YIPF6: variants seen among roughly 807,000 people sequenced by gnomAD.
YIPF6 encodes Yip1 domain family member 6.
In YIPF6, 3 loss-of-function variants were observed where a neutral mutation model predicts 16.8. That is an observed-to-expected ratio of 0.18 (90% CI 0.08 to 0.46). The LOEUF is 0.46. YIPF6 is among the 20% of genes least tolerant of loss of function. The pLI, the probability that YIPF6 is intolerant of heterozygous loss-of-function variation, is 0.98. For missense variants in YIPF6, 145 were observed against 184.9 expected, an observed-to-expected ratio of 0.78 and a Z score of 1.25; for synonymous variants, 67 against 61.9, an observed-to-expected ratio of 1.08 and a Z score of -0.38.
Position 68,522,772 on chromosome X carries a change from G to A in YIPF6, c.447G>A (p.Gln149=), listed in dbSNP as rs1185948161. 1.3e-5 allele frequency: 15 copies of A among 1,187,515 alleles called. No individual in the cohort carries two copies. Among genetic ancestry groups the A allele is most frequent in the Non-Finnish European group, 1.7e-5 (15 of 888,522 alleles). The part of the protein sequence containing the change: ...KLLGGNISFF[Q]SLCVLGYCIL... ...TTTTGTTTTTAAGATCTTTTTTTCA[G>A]AGCCTCTGTGTGCTGGGTTACTGTA... is the stretch of plus-strand genomic sequence containing the variant. Residue 149 remains glutamine, a synonymous_variant, in exon 6 of 7, where the codon CAG becomes CAA. Transcript: ENST00000462683.
chrX:68,531,136 G>GT lies in YIPF6; in HGVS notation c.593-739dup, dbSNP rs765581017. On this transcript the variant is annotated intron_variant, in intron 6 of 6. Coordinates refer to ENST00000462683, the MANE Select transcript of YIPF6 (RefSeq NM_173834.4). ...TTTTTGTTTGTTTGTTTGTTTGTTT[G>GT]TTTTTTGAGACTGGGTCTTTCTCTG... Among the ~76,000 whole-genome samples, 529 of 105,876 alleles carry GT rather than the reference G, an allele frequency of 5.0e-3. 2 individuals are homozygous for GT. Among genetic ancestry groups the GT allele is most frequent in the Non-Finnish European group, 7.4e-3 (386 of 52,219 alleles). 91.9% of individuals were successfully genotyped at this position (105,876 alleles called of 115,157 possible).
In YIPF6 at chrX:68,534,197, C is replaced by T. The variant is rs777660161; in HGVS notation, c.*2198C>T. On this transcript the variant is annotated 3_prime_UTR_variant, in exon 7 of 7. Coordinates refer to ENST00000462683, the MANE Select transcript of YIPF6 (RefSeq NM_173834.4). ...ATTTACCCCAAGATAACTTTGCCTA[C>T]GAAATATTTCGCTTTTATTATTTTC... The T allele has an allele frequency of 1.1e-4, 12 of 111,739 alleles. No homozygotes were observed. The highest frequency in any genetic ancestry group is 1.9e-4 in the Non-Finnish European group (10 of 53,142). The allele number at this position is 111,739 out of a possible 1,213,427, so 9.2% of individuals were successfully genotyped here.
At chrX:68,530,038 T>C (rs1055339821) in intron 6 of YIPF6, among the ~76,000 whole-genome samples, 9 of 111,930 alleles carry the variant, frequency 8.0e-5, no homozygotes, top group Non-Finnish European at 1.9e-5. Context: ...CAGGCAGGAA[T>C]GTTTAAGTTG....
chrX:68,531,834 T>C, intron 6 of YIPF6, 47 bp from the exon 7 acceptor site: 1 of 873,141 alleles, frequency 1.1e-6, no homozygotes, highest in Non-Finnish European at 1.6e-6. Context: ...GTTGTGACAA[T>C]ATTACTGTAT....
chrX:68,499,163 G>A (rs749957728), intron 1 of YIPF6, 40 bp downstream of exon 1: 8 of 1,157,065 alleles, frequency 6.9e-6, no homozygotes, highest in Non-Finnish European at 9.2e-6. Flanking sequence ...CGAGGGTGAG[G>A]CAGAGTGCCC....
At chrX:68,521,339 T>G (rs201900614) in intron 4 of YIPF6, 33 bp from the exon 5 acceptor site, 1 of 1,198,197 alleles carries the variant, frequency 8.3e-7, no homozygotes, top group Non-Finnish European at 1.1e-6. Context: ...AAGTAAAAGA[T>G]TAAGCAATTC....
In YIPF6 at chrX:68,521,491, G is replaced by A; in HGVS notation, c.428G>A (p.Gly143Glu). 8.3e-7 allele frequency: 1 copy of A among 1,205,842 alleles called. No individual in the cohort carries two copies. Among genetic ancestry groups the A allele is most frequent in the Non-Finnish European group, 1.1e-6 (1 of 893,170 alleles). The change falls in exon 5 of 7, where the codon GGG becomes GAG. Residue 143 changes from glycine (G) to glutamate (E), a missense_variant. By Grantham distance (98) the Gly-to-Glu change is moderately conservative. Transcript: ENST00000462683. ...ACCCTCAACTCAAAACTTCTTGGAG[G>A]GAACATGTGAGTATTATTAAAATGC... ...TITLNSKLLG[G>E]NISFFQSLCV...
chrX:68,506,817 C>G (rs961983811), intron 1 of YIPF6, among the ~76,000 whole-genome samples: 3 of 111,334 alleles, frequency 2.7e-5, no homozygotes, highest in African/African-American at 9.8e-5. Flanking sequence ...CAGTCGTGAT[C>G]ATAGCACCCG....
Position 68,516,821 on chromosome X carries a change from G to T in YIPF6, c.266-1949G>T, listed in dbSNP as rs751039469. The stretch of plus-strand genomic sequence containing the variant: ...AATCACTCAGCAGCTTTTTTTGTTT[G>T]TTTTTTTGAGACAGAGTCTTGCTCT... On this transcript the variant is annotated intron_variant, in intron 3 of 6. Transcript: ENST00000462683. Among the ~76,000 whole-genome samples, 251 of 110,529 alleles carry T rather than the reference G, an allele frequency of 2.3e-3. 2 individuals carry two copies. Among genetic ancestry groups the T allele is most frequent in the Non-Finnish European group, 4.1e-3 (216 of 52,775 alleles).
rs771081316 is a variant in YIPF6 at position 68,537,146 on chromosome X, C to G, written c.*5147C>G. The G allele has an allele frequency of 2.7e-5, 3 of 112,213 alleles. No homozygotes were observed. Among genetic ancestry groups the G allele is most frequent in the African/African-American group, 9.7e-5 (3 of 30,955 alleles). The allele number at this position is 112,213 out of a possible 1,213,427, so 9.2% of individuals were successfully genotyped here. Reference sequence around the variant, plus strand: ...GTTCTTTCAGAGCCTTTGTACTTTGCCATCACTGCTAGTAATTTCTTGGTC... The same window carrying G: ...GTTCTTTCAGAGCCTTTGTACTTTGGCATCACTGCTAGTAATTTCTTGGTC... On this transcript the variant is annotated 3_prime_UTR_variant, in exon 7 of 7. Coordinates refer to ENST00000462683, the MANE Select transcript of YIPF6 (RefSeq NM_173834.4).
At chrX:68,507,605 A>G (rs962151357) in intron 1 of YIPF6, among the ~76,000 whole-genome samples, 1 of 99,185 alleles carries the variant, frequency 1.0e-5, no homozygotes, top group African/African-American at 3.6e-5. Context: ...GTCTATTATA[A>G]TTTTTTTTTT....
At chrX:68,528,793 A>G (rs1764675364) in intron 6 of YIPF6, among the ~76,000 whole-genome samples, 1 of 111,733 alleles carries the variant, frequency 8.9e-6, no homozygotes, top group African/African-American at 3.2e-5. Flanking sequence ...TTTCTTTAAG[A>G]ATGTTGAATA....
intron 1 of YIPF6, among the ~76,000 whole-genome samples, chrX:68,502,734 A>G (rs2079045179): frequency 9.0e-6 from 1 of 111,225 alleles, no homozygotes; most frequent in South Asian, 3.8e-4. Context: ...TTTAGGAGTC[A>G]TCTGCACAGG....
intron 1 of YIPF6, among the ~76,000 whole-genome samples, chrX:68,506,322 A>G (rs1264593858): frequency 9.0e-6 from 1 of 111,100 alleles, no homozygotes; most frequent in African/African-American, 3.3e-5. Context: ...TCTTTCTTCT[A>G]CAGCCCTACC....
chrX:68,533,615 G>A lies in YIPF6; in HGVS notation c.*1616G>A, dbSNP rs1236363942. ...GGGTTCTTGGAATGATAATAACAAA[G>A]CATTACAAAGTGGGTCCCCTTGGTT... On this transcript the variant is annotated 3_prime_UTR_variant, in exon 7 of 7. Coordinates refer to ENST00000462683, the MANE Select transcript of YIPF6 (RefSeq NM_173834.4). 2.7e-5 allele frequency: 3 copies of A among 111,842 alleles called. No individual in the cohort carries two copies. Among genetic ancestry groups the A allele is most frequent in the Non-Finnish European group, 5.6e-5 (3 of 53,186 alleles). The allele number at this position is 111,842 out of a possible 1,213,427, so 9.2% of individuals were successfully genotyped here.
At chrX:68,505,017 TCTC>T (rs1447201943) in intron 1 of YIPF6, among the ~76,000 whole-genome samples, 1 of 111,877 alleles carries the variant, frequency 8.9e-6, no homozygotes, top group African/African-American at 3.2e-5. Context: ...CTACAATGCT[TCTC>T]CTAGCAGTAG....
intron 6 of YIPF6, among the ~76,000 whole-genome samples, chrX:68,529,211 C>T (rs1477284527): frequency 9.1e-6 from 1 of 109,878 alleles, no homozygotes; most frequent in East Asian, 2.9e-4. Context: ...TGTCTTCCTA[C>T]TTTATTTCAT....
In YIPF6 at chrX:68,532,038, AC is replaced by A; in HGVS notation, c.*40del. 9.7e-7 allele frequency: 1 copy of A among 1,031,407 alleles called. No individual in the cohort carries two copies. The highest frequency in any genetic ancestry group is 1.3e-6 in the Non-Finnish European group (1 of 741,015). The allele number at this position is 1,031,407 out of a possible 1,213,427, so 85.0% of individuals were successfully genotyped here. ...AATTAAAAACCAGTGAATTGAAAGC[AC>A]ATCTGAAAGATGCAATTCACCATGG... On this transcript the variant is annotated 3_prime_UTR_variant, in exon 7 of 7. Transcript: ENST00000462683.
chrX:68,524,395 C>G (rs1368712505), intron 6 of YIPF6, among the ~76,000 whole-genome samples: 1 of 110,372 alleles, frequency 9.1e-6, no homozygotes, highest in Admixed American at 9.7e-5. Context: ...TCTCGAACTC[C>G]TGACCTCAGG....
Sources: allele counts gnomAD v4.1 joint callset (sites outside exome capture counted in the v4.1 genomes callset), GRCh38; gene constraint gnomAD v4.1.1; transcripts MANE v1.5; gene names NCBI Gene and HGNC (gene_info 2026-07-23, HGNC 2026-07-21).